THSD7B: variants seen among roughly 807,000 people sequenced by gnomAD.
THSD7B encodes the protein thrombospondin type-1 domain-containing protein 7B.
A neutral mutation model predicts 213.6 loss-of-function variants in THSD7B; 138 were observed. That is an observed-to-expected ratio of 0.65 (90% CI 0.56 to 0.74). THSD7B has a LOEUF of 0.74. THSD7B is among the 30% of genes least tolerant of loss of function. THSD7B has a pLI of 0.00. For missense variants in THSD7B, 1,931 were observed against 1,991.5 expected (o/e 0.97, Z 0.58); for synonymous variants, 742 against 687.0 (o/e 1.08, Z -1.25).
intron 1 of THSD7B, among the ~76,000 whole-genome samples, chr2:136,827,134 A>G (rs1050662919): frequency 6.6e-6 from 1 of 152,224 alleles, no homozygotes; most frequent in Non-Finnish European, 1.5e-5. Context: ...AAAGACAATC[A>G]TGAAAATTAT....
chr2:137,066,502 G>C (rs1687384977), intron 3 of THSD7B, among the ~76,000 whole-genome samples: 1 of 151,982 alleles, frequency 6.6e-6, no homozygotes, highest in Non-Finnish European at 1.5e-5. Flanking sequence ...CTAGGTTTTT[G>C]CTTTCAATAG....
At chr2:137,262,789 T>A (rs999560173) in intron 10 of THSD7B, among the ~76,000 whole-genome samples, 32 of 152,304 alleles carry the variant, frequency 2.1e-4, no homozygotes, top group Admixed American at 1.0e-3. Context: ...GGGATTTTTT[T>A]AAAACATGCT....
At chr2:137,092,697 C>G (rs1263320531) in intron 3 of THSD7B, among the ~76,000 whole-genome samples, 2 of 152,100 alleles carry the variant, frequency 1.3e-5, no homozygotes, top group Admixed American at 1.3e-4. Context: ...TGCGGTGGTG[C>G]AGTCTCGGCT....
intron 2 of THSD7B, among the ~76,000 whole-genome samples, chr2:137,033,677 A>G (rs1006546412): frequency 6.6e-6 from 1 of 152,000 alleles, no homozygotes; most frequent in African/African-American, 2.4e-5. Context: ...CAGTGGCACA[A>G]TCTCGGCTCA....
chr2:136,936,966 A>G (rs904845743), intron 2 of THSD7B, among the ~76,000 whole-genome samples: 1 of 152,176 alleles, frequency 6.6e-6, no homozygotes, highest in African/African-American at 2.4e-5. Flanking sequence ...ATGTAAAAAT[A>G]AAAAAGATAT....
chr2:137,137,011 C>T lies in THSD7B; in HGVS notation c.1369+21718C>T, dbSNP rs537199212. On this transcript the variant is annotated intron_variant, in intron 5 of 27. Coordinates refer to ENST00000409968, the MANE Select transcript of THSD7B (RefSeq NM_001316349.2). ...AGAATTTGTCCTGAGATGACAGTTC[C>T]TTTTCCTACTTTCTTTACAATTTCA... is the stretch of plus-strand genomic sequence containing the variant. Among the ~76,000 whole-genome samples, 218 of 152,266 alleles carry T rather than the reference C, an allele frequency of 1.4e-3. 1 individual carries two copies. Among genetic ancestry groups the T allele is most frequent in the Middle Eastern group, 3.4e-3 (1 of 294 alleles).
At chr2:137,558,661 G>T (rs4528820) in intron 15 of THSD7B, among the ~76,000 whole-genome samples, 2 of 152,158 alleles carry the variant, frequency 1.3e-5, no homozygotes, top group African/African-American at 2.4e-5. Context: ...CACAAGACAG[G>T]GATGTCCTCT....
At chr2:137,166,875 C>T (rs985707588) in intron 6 of THSD7B, among the ~76,000 whole-genome samples, 3 of 152,016 alleles carry the variant, frequency 2.0e-5, no homozygotes, top group African/African-American at 4.8e-5. Flanking sequence ...GTGGGTGGGG[C>T]GTTCTGTTAA....
chr2:136,823,325 C>T (rs1252869946), intron 1 of THSD7B, among the ~76,000 whole-genome samples: 1 of 152,166 alleles, frequency 6.6e-6, no homozygotes, highest in Non-Finnish European at 1.5e-5. Flanking sequence ...CAGTTTAGTA[C>T]TTCATCTCTC....
intron 2 of THSD7B, among the ~76,000 whole-genome samples, chr2:136,984,191 T>A (rs1306123464): frequency 6.6e-6 from 1 of 152,170 alleles, no homozygotes; most frequent in Non-Finnish European, 1.5e-5. Flanking sequence ...GTCCCTCCCA[T>A]CCCACAGAGT....
intron 2 of THSD7B, among the ~76,000 whole-genome samples, chr2:137,030,975 T>C (rs1162822394): frequency 6.6e-6 from 1 of 152,202 alleles, no homozygotes; most frequent in Admixed American, 6.5e-5. Context: ...AGGTTGTAGT[T>C]CTTGTCACTA....
chr2:136,926,180 T>C lies in THSD7B; in HGVS notation c.139+43863T>C, dbSNP rs1285173789. 2.6e-5 allele frequency among the ~76,000 whole-genome samples: 4 copies of C among 152,116 alleles called. No individual in the cohort carries two copies. In the East Asian group the frequency reaches 5.8e-4, roughly 22 times the overall value. On this transcript the variant is annotated intron_variant, in intron 2 of 27. Transcript: ENST00000409968. ...ATTCCTCCCTCCTTTCTCCCATGTC[T>C]GGGGCAGATGGATTCCTCCTATGAT...
chr2:137,061,895 G>A (rs1008863761), intron 3 of THSD7B, among the ~76,000 whole-genome samples: 1 of 151,782 alleles, frequency 6.6e-6, no homozygotes, highest in East Asian at 1.9e-4. Context: ...TATTTTCTGT[G>A]CTTTCATTTT....
chr2:137,125,989 T>C (rs1156688867), intron 5 of THSD7B, among the ~76,000 whole-genome samples: 1 of 152,136 alleles, frequency 6.6e-6, no homozygotes, highest in East Asian at 1.9e-4. Context: ...GCCTCAACAG[T>C]GGGCTTAAAA....
chr2:137,633,547 G>A (rs1339560483), intron 20 of THSD7B, among the ~76,000 whole-genome samples: 1 of 152,138 alleles, frequency 6.6e-6, no homozygotes, highest in Non-Finnish European at 1.5e-5. Flanking sequence ...GAAAGCATAT[G>A]TTTTTGGAGC....
chr2:136,824,769 G>A (rs936230000), intron 1 of THSD7B, among the ~76,000 whole-genome samples: 3 of 152,154 alleles, frequency 2.0e-5, no homozygotes, highest in Admixed American at 6.5e-5. Flanking sequence ...ACTAGTGCTC[G>A]AGATGCATGC....
At chr2:137,616,152 T>G (rs775055793) in intron 17 of THSD7B, 23 bp from the exon 18 acceptor site, 111 of 1,605,750 alleles carry the variant, frequency 6.9e-5, no homozygotes, top group Non-Finnish European at 9.3e-5. Context: ...CACAGTCAAC[T>G]TTTCCTACTC....
intron 2 of THSD7B, among the ~76,000 whole-genome samples, chr2:136,940,700 C>A (rs6735410): frequency 0.016 from 2,143 of 134,704 alleles, 70 homozygotes; most frequent in African/African-American, 0.057. Flanking sequence ...CTGAGACATA[C>A]GTGTGTGTGT....
intron 14 of THSD7B, among the ~76,000 whole-genome samples, chr2:137,421,759 A>G (rs1051633826): frequency 1.3e-5 from 2 of 152,114 alleles, no homozygotes; most frequent in African/African-American, 2.4e-5. Context: ...GGAGCAGGTG[A>G]AAGGAGGGTA....
Sources: gnomAD v4.1 joint callset for allele counts (sites outside exome capture counted in the v4.1 genomes callset) on GRCh38, gnomAD v4.1.1 for gene constraint, MANE v1.5 for transcripts, NCBI Gene and HGNC (gene_info 2026-07-23, HGNC 2026-07-21) for gene names.